TRAK2: variants seen among roughly 807,000 people sequenced by gnomAD.
TRAK2 encodes the protein trafficking kinesin-binding protein 2.
In TRAK2, 81 loss-of-function variants were observed where a neutral mutation model predicts 104.6. The observed-to-expected ratio is 0.77, with a 90% CI of 0.65 to 0.93. The LOEUF is 0.93. Among genes scored for constraint, TRAK2 ranks in the 40% least tolerant of loss-of-function variants. The pLI is 0.00. For synonymous variants in TRAK2, 406 were observed against 394.4 expected, an observed-to-expected ratio of 1.03 and a Z score of -0.35; for missense variants, 1,002 against 1,089.0, an observed-to-expected ratio of 0.92 and a Z score of 1.12.
Position 201,379,519 on chromosome 2 carries a change from T to G in TRAK2, c.*1024A>C, listed in dbSNP as rs1951318823. 6.6e-6 allele frequency: 1 copy of G among 152,636 alleles called. No homozygotes were observed. The highest frequency in any genetic ancestry group is 1.5e-5 in the Non-Finnish European group (1 of 68,040). The allele number at this position is 152,636 out of a possible 1,614,324, so 9.5% of individuals were successfully genotyped here. ...AATTTTTGTGCAAATACATGTCATC[T>G]TTCATTAAAAATATGCATAGCGCAC... is the stretch of plus-strand genomic sequence containing the variant. On this transcript the variant is annotated 3_prime_UTR_variant, in exon 16 of 16. Transcript: ENST00000332624.
intron 7 of TRAK2, among the ~76,000 whole-genome samples, chr2:201,396,440 CCT>C (rs1430654737): frequency 6.6e-6 from 1 of 152,042 alleles, no homozygotes; most frequent in African/African-American, 2.4e-5. Context: ...ACAGTAGTCC[CCT>C]CTTATCTGTC....
At chr2:201,429,298 T>C (rs1304404266) in intron 1 of TRAK2, among the ~76,000 whole-genome samples, 2 of 152,236 alleles carry the variant, frequency 1.3e-5, no homozygotes, top group African/African-American at 4.8e-5. Context: ...CTTAACATTT[T>C]TTCCTTCATT....
chr2:201,425,460 G>A (rs1303517061), intron 1 of TRAK2, among the ~76,000 whole-genome samples: 1 of 152,132 alleles, frequency 6.6e-6, no homozygotes, highest in African/African-American at 2.4e-5. Flanking sequence ...GGAGTGCAAT[G>A]GTGCGATCTC....
chr2:201,389,353 T>A lies in TRAK2; in HGVS notation c.1344A>T (p.Gln448His). The stretch of plus-strand genomic sequence containing the variant: ...GGTTCAGGAGTGATTTGTCCTCTGT[T>A]TGCTGAAGACCAGACTCAAAAGGTT... Reference protein sequence around the residue: ...TAKPFESGLQQTEDKSLLNQG... With the variant: ...TAKPFESGLQHTEDKSLLNQG... Residue 448 changes from glutamine to histidine, a missense_variant, in exon 12 of 16, where the codon CAA becomes CAT. Physicochemically the swap from Gln to His is conservative, Grantham distance 24. Coordinates refer to ENST00000332624, the MANE Select transcript of TRAK2 (RefSeq NM_015049.3). The A allele has an allele frequency of 6.2e-7, 1 of 1,614,158 alleles. No individual in the cohort carries two copies.
rs1952034477 is a variant in TRAK2 at position 201,451,346 on chromosome 2, T to C, written c.-200+4A>G. On this transcript the variant is annotated splice_donor_region_variant and intron_variant, in intron 1 of 15. Coordinates refer to ENST00000332624, the MANE Select transcript of TRAK2 (RefSeq NM_015049.3). ...TTCGGGTTCTGCGCGGACAGCTTAC[T>C]CACTGGAGTGGTTCGGCATCCTCTG... 1 of 152,200 alleles carries C rather than the reference T, an allele frequency of 6.6e-6. No individual in the cohort carries two copies. Among genetic ancestry groups the C allele is most frequent in the African/African-American group, 2.4e-5 (1 of 41,468 alleles). The allele number at this position is 152,200 out of a possible 1,614,324, so 9.4% of individuals were successfully genotyped here.
intron 13 of TRAK2, 91 bp downstream of exon 13, chr2:201,387,612 G>A (rs1427862406): frequency 3.8e-6 from 5 of 1,303,552 alleles, no homozygotes; most frequent in South Asian, 1.5e-5. Context: ...TGCACATAAT[G>A]TTCCTATAAT....
chr2:201,408,462 A>G (rs1421096915), intron 2 of TRAK2, among the ~76,000 whole-genome samples: 2 of 152,078 alleles, frequency 1.3e-5, no homozygotes, highest in African/African-American at 4.8e-5. Flanking sequence ...ATTTTTTCTG[A>G]TCCTCTCCCT....
At position 201,393,531 on chromosome 2, in the gene TRAK2, T is replaced by C. The variant is rs544682992; in HGVS notation, c.976-485A>G. 2.6e-5 allele frequency among the ~76,000 whole-genome samples: 4 copies of C among 152,286 alleles called. No individual in the cohort carries two copies. In the South Asian group the frequency reaches 8.3e-4, roughly 32 times the overall value. On this transcript the variant is annotated intron_variant, in intron 9 of 15. Coordinates refer to ENST00000332624, the MANE Select transcript of TRAK2 (RefSeq NM_015049.3). ...CTTGTTTCAGAACCTTCTTTACAAC[T>C]AGATATACACATCTGATAAAAGAGT...
intron 1 of TRAK2, among the ~76,000 whole-genome samples, chr2:201,426,183 T>C (rs1257824699): frequency 6.6e-6 from 1 of 152,142 alleles, no homozygotes; most frequent in Non-Finnish European, 1.5e-5. Context: ...CCGCTCCCCA[T>C]CACTCGCATT....
At chr2:201,402,920 A>C (rs1233000113) in intron 3 of TRAK2, among the ~76,000 whole-genome samples, 1 of 152,152 alleles carries the variant, frequency 6.6e-6, no homozygotes, top group Non-Finnish European at 1.5e-5. Context: ...TAAAACCACC[A>C]ATCTGGGGTT....
intron 5 of TRAK2, 50 bp from the exon 6 acceptor site, chr2:201,398,404 A>T: frequency 7.0e-7 from 1 of 1,430,200 alleles, no homozygotes; most frequent in Non-Finnish European, 9.7e-7. Flanking sequence ...TGCATTATTT[A>T]TAGCAATATA....
intron 3 of TRAK2, among the ~76,000 whole-genome samples, chr2:201,405,913 G>A (rs1249691711): frequency 2.0e-5 from 3 of 152,134 alleles, no homozygotes; most frequent in African/African-American, 7.2e-5. Context: ...ACCCGGGGCG[G>A]GCAGAGGTTG....
chr2:201,381,171 G>C lies in TRAK2; in HGVS notation c.2117C>G (p.Ser706Cys). 6.2e-7 allele frequency: 1 copy of C among 1,613,620 alleles called. No individual in the cohort carries two copies. The highest frequency in any genetic ancestry group is 1.1e-5 in the South Asian group (1 of 91,066). Reference sequence around the variant, plus strand: ...GGCAGGAGAATTCACAGCCGTGTTGGATGAACTGCTACCGCTACTTCCACA... The same window carrying C: ...GGCAGGAGAATTCACAGCCGTGTTGCATGAACTGCTACCGCTACTTCCACA... ...LSCGSSGSSS[S>C]NTAVNSPALS... Residue 706 changes from serine to cysteine, a missense_variant, in exon 16 of 16, where the codon TCC (serine) becomes TGC (cysteine). Ser to Cys is a moderately radical substitution (Grantham distance 112). Transcript: ENST00000332624.
intron 1 of TRAK2, among the ~76,000 whole-genome samples, chr2:201,444,509 C>T (rs1469402693): frequency 6.6e-6 from 1 of 151,746 alleles, no homozygotes; most frequent in Non-Finnish European, 1.5e-5. Flanking sequence ...ATGCTAACTC[C>T]TTCTCACATT....
intron 15 of TRAK2, among the ~76,000 whole-genome samples, chr2:201,382,886 C>G (rs1951356380): frequency 6.6e-6 from 1 of 152,190 alleles, no homozygotes; most frequent in South Asian, 2.1e-4. Flanking sequence ...AATTTGCACA[C>G]TAGCTTTATT....
At chr2:201,388,993 G>A (rs2241118) in intron 12 of TRAK2, among the ~76,000 whole-genome samples, 10 of 151,888 alleles carry the variant, frequency 6.6e-5, no homozygotes, top group African/African-American at 1.9e-4. Flanking sequence ...ACAGCACCTC[G>A]ATGGTCCTCA....
chr2:201,404,166 A>G (rs1951573462), intron 3 of TRAK2, among the ~76,000 whole-genome samples: 3 of 152,208 alleles, frequency 2.0e-5, no homozygotes, highest in African/African-American at 7.2e-5. Context: ...AAATGCTTCA[A>G]AAACCACAGA....
intron 1 of TRAK2, among the ~76,000 whole-genome samples, chr2:201,449,481 T>C (rs891269760): frequency 7.2e-3 from 9 of 1,244 alleles, no homozygotes; most frequent in African/African-American, 8.4e-3. Flanking sequence ...ATGTTGGTTC[T>C]TTTTTTTTTT....
intron 15 of TRAK2, among the ~76,000 whole-genome samples, chr2:201,383,648 T>C (rs868041547): frequency 2.8e-4 from 42 of 152,326 alleles, no homozygotes; most frequent in African/African-American, 9.4e-4. Context: ...CCTGTATTCG[T>C]TCCTTGTAAT....
Sources: gnomAD v4.1 joint callset for allele counts (sites outside exome capture counted in the v4.1 genomes callset) on GRCh38, gnomAD v4.1.1 for gene constraint, MANE v1.5 for transcripts, NCBI Gene and HGNC (gene_info 2026-07-23, HGNC 2026-07-21) for gene names.